The following GALNTL6 variants were observed in gnomAD, a reference collection of about 807,000 sequenced individuals.
GALNTL6 encodes the protein polypeptide N-acetylgalactosaminyltransferase like 6, also known as polypeptide N-acetylgalactosaminyltransferase-like 6.
GALNTL6 carries 46 observed loss-of-function variants against 73.7 expected under a neutral mutation model. The ratio of observed to expected loss-of-function variants is 0.62; its 90% confidence interval spans 0.49 to 0.80. The LOEUF is 0.80. Among genes scored for constraint, GALNTL6 ranks in the 30% least tolerant of loss-of-function variants. The probability of loss-of-function intolerance (pLI) is 0.00; values close to 1 mark genes in which losing one functional copy is unlikely to be tolerated. For synonymous variants in GALNTL6, 259 were observed against 263.7 expected, an observed-to-expected ratio of 0.98 and a Z score of 0.17; for missense variants, 604 against 755.0, an observed-to-expected ratio of 0.80 and a Z score of 2.34.
chr4:172,865,491 C>T (rs182924356), intron 7 of GALNTL6, among the ~76,000 whole-genome samples: 4 of 152,238 alleles, frequency 2.6e-5, no homozygotes, highest in Admixed American at 6.5e-5. Flanking sequence ...TTAATGGGAA[C>T]AGTAAGGTTA....
rs570937554 is a variant in GALNTL6, at chr4:172,148,898, G to C, written c.139-80758G>C. Among the ~76,000 whole-genome samples the C allele has an allele frequency of 1.7e-3, 257 of 152,256 alleles. 1 individual carries two copies. The highest frequency in any genetic ancestry group is 5.6e-3 in the African/African-American group (233 of 41,548). ...ATGGACATAAAACAGCCCTGCAGGAGGTTGTTATAGTAGATGTTTTCTATA... is the reference window on the plus strand; with the variant it reads ...ATGGACATAAAACAGCCCTGCAGGACGTTGTTATAGTAGATGTTTTCTATA... On this transcript the variant is annotated intron_variant, in intron 2 of 12. Coordinates refer to ENST00000506823, the MANE Select transcript of GALNTL6 (RefSeq NM_001034845.3).
At chr4:173,037,332 C>A (rs1712908816) in intron 12 of GALNTL6, among the ~76,000 whole-genome samples, 1 of 152,294 alleles carries the variant, frequency 6.6e-6, no homozygotes, top group Non-Finnish European at 1.5e-5. Flanking sequence ...TCTAATCCCC[C>A]CCACCTCATT....
intron 5 of GALNTL6, among the ~76,000 whole-genome samples, chr4:172,733,949 G>A (rs1736302627): frequency 6.6e-6 from 1 of 152,172 alleles, no homozygotes; most frequent in South Asian, 2.1e-4. Flanking sequence ...GGGCTCAGAA[G>A]AAGACAGGAA....
At chr4:172,926,541 A>T (rs1201823014) in intron 8 of GALNTL6, among the ~76,000 whole-genome samples, 1 of 152,138 alleles carries the variant, frequency 6.6e-6, no homozygotes, top group Non-Finnish European at 1.5e-5. Flanking sequence ...CCAGACCTTG[A>T]CCCCACATCT....
At chr4:172,406,142 T>C (rs1359450952) in intron 5 of GALNTL6, among the ~76,000 whole-genome samples, 1 of 151,990 alleles carries the variant, frequency 6.6e-6, no homozygotes, top group African/African-American at 2.4e-5. Context: ...GTATTATGTA[T>C]ATATTAATAA....
At chr4:172,452,429 A>G (rs1032284791) in intron 5 of GALNTL6, among the ~76,000 whole-genome samples, 7 of 152,168 alleles carry the variant, frequency 4.6e-5, no homozygotes, top group Admixed American at 3.9e-4. Context: ...TTCCAGAGAT[A>G]CATTACTAAC....
rs777336608 is a variant in GALNTL6, at chr4:172,956,659, T to TG, written c.1371+4405dup. Reference sequence around the variant, plus strand: ...GTTGGTCTGGTGTCTGGAATGAGGCTGGGGCCTAATAAAAAGAAGCGTCTA... The same window carrying TG: ...GTTGGTCTGGTGTCTGGAATGAGGCTGGGGGCCTAATAAAAAGAAGCGTCTA... On this transcript the variant is annotated intron_variant, in intron 10 of 12. Coordinates refer to ENST00000506823, the MANE Select transcript of GALNTL6 (RefSeq NM_001034845.3). Among the ~76,000 whole-genome samples the TG allele has an allele frequency of 2.3e-4, 35 of 152,262 alleles. 1 individual carries two copies. The highest frequency in any genetic ancestry group is 4.4e-4 in the Non-Finnish European group (30 of 68,008).
chr4:172,768,148 A>G (rs1220255589), intron 5 of GALNTL6, among the ~76,000 whole-genome samples: 1 of 152,178 alleles, frequency 6.6e-6, no homozygotes, highest in Non-Finnish European at 1.5e-5. Flanking sequence ...ATCCTATTTT[A>G]TTGATTTATT....
At chr4:172,669,355 A>G (rs1731845807) in intron 5 of GALNTL6, 1 of 152,230 alleles carries the variant, frequency 6.6e-6, no homozygotes, top group African/African-American at 2.4e-5. Context: ...GAGAATTGCC[A>G]AAAATAATCT....
rs376705343 is a variant in GALNTL6 at position 171,834,363 on chromosome 4, G to T, written c.138+19645G>T. ...TGCCTCAGTTTAGCTCAAGTCTTAA[G>T]GTTCCTGAGACTCATGGAGTTTTCC... On this transcript the variant is annotated intron_variant, in intron 2 of 12. Coordinates refer to ENST00000506823, the MANE Select transcript of GALNTL6 (RefSeq NM_001034845.3). Among the ~76,000 whole-genome samples the T allele has an allele frequency of 9.2e-5, 14 of 151,990 alleles. No homozygotes were observed. In the East Asian group the frequency reaches 1.7e-3, roughly 19 times the overall value.
At chr4:172,213,681 G>T (rs746211318) in intron 2 of GALNTL6, among the ~76,000 whole-genome samples, 1 of 152,058 alleles carries the variant, frequency 6.6e-6, no homozygotes. Flanking sequence ...TATCAGATAT[G>T]TATTTTGTAA....
At chr4:171,903,508 C>G (rs956144134) in intron 2 of GALNTL6, among the ~76,000 whole-genome samples, 4 of 151,694 alleles carry the variant, frequency 2.6e-5, no homozygotes, top group Admixed American at 6.6e-5. Context: ...CACGGAGTCT[C>G]GCTGATTGCT....
intron 5 of GALNTL6, among the ~76,000 whole-genome samples, chr4:172,373,172 A>G (rs1390828429): frequency 6.6e-6 from 1 of 152,138 alleles, no homozygotes; most frequent in African/African-American, 2.4e-5. Flanking sequence ...CTATCCCTAA[A>G]CCCTTGGGGC....
intron 2 of GALNTL6, among the ~76,000 whole-genome samples, chr4:172,059,752 T>A (rs1323986711): frequency 2.0e-5 from 3 of 152,210 alleles, no homozygotes; most frequent in Non-Finnish European, 4.4e-5. Flanking sequence ...TCATGCTATG[T>A]TTATTTGAAG....
intron 5 of GALNTL6, among the ~76,000 whole-genome samples, chr4:172,802,698 G>A (rs953466918): frequency 2.0e-5 from 3 of 152,142 alleles, no homozygotes; most frequent in Non-Finnish European, 2.9e-5. Context: ...AGCTACTTGG[G>A]AGGCTAAGGC....
intron 2 of GALNTL6, among the ~76,000 whole-genome samples, chr4:172,125,284 A>T (rs1265798351): frequency 6.6e-6 from 1 of 152,338 alleles, no homozygotes. Flanking sequence ...ATCCAGAAAA[A>T]TTAAATAAAT....
intron 4 of GALNTL6, among the ~76,000 whole-genome samples, chr4:172,344,659 C>G (rs1198477272): frequency 2.0e-5 from 3 of 152,166 alleles, no homozygotes; most frequent in Non-Finnish European, 2.9e-5. Flanking sequence ...GAATCATTTT[C>G]AAGATTCTTC....
chr4:172,081,442 A>G (rs1344548564), intron 2 of GALNTL6, among the ~76,000 whole-genome samples: 2 of 152,232 alleles, frequency 1.3e-5, no homozygotes, highest in Non-Finnish European at 2.9e-5. Context: ...GATCGAGATC[A>G]TCCTGGCCAA....
chr4:172,576,608 A>C (rs1226971524), intron 5 of GALNTL6, among the ~76,000 whole-genome samples: 2 of 152,168 alleles, frequency 1.3e-5, no homozygotes, highest in African/African-American at 4.8e-5. Flanking sequence ...CTTATCTGTA[A>C]AAGGTGATTA....
Sources: allele counts gnomAD v4.1 joint callset (sites outside exome capture counted in the v4.1 genomes callset), GRCh38; gene constraint gnomAD v4.1.1; transcripts MANE v1.5; gene names NCBI Gene and HGNC (gene_info 2026-07-23, HGNC 2026-07-21).